EPM2A: variants seen among roughly 807,000 people sequenced by gnomAD.
EPM2A encodes laforin.
EPM2A carries 21 observed loss-of-function variants against 26.5 expected under a neutral mutation model. The observed-to-expected ratio is 0.79, with a 90% CI of 0.56 to 1.14. EPM2A has a LOEUF of 1.14. EPM2A is among the 50% of genes most tolerant of loss of function. The probability of loss-of-function intolerance (pLI) is 0.00; values close to 1 mark genes in which losing one functional copy is unlikely to be tolerated. For missense variants in EPM2A, 458 were observed against 440.8 expected (o/e 1.04, Z -0.35); for synonymous variants, 217 against 177.6 (o/e 1.22, Z -1.76).
intron 4 of EPM2A, among the ~76,000 whole-genome samples, chr6:145,493,901 A>C (rs1033430878): frequency 6.6e-6 from 1 of 152,122 alleles, no homozygotes; most frequent in Non-Finnish European, 1.5e-5. Context: ...TTTTGTTGAA[A>C]ATTTTTGCAT....
At chr6:145,525,557 G>A (rs1303701597) in intron 2 of EPM2A, among the ~76,000 whole-genome samples, 1 of 151,818 alleles carries the variant, frequency 6.6e-6, no homozygotes, top group Non-Finnish European at 1.5e-5. Context: ...TTTTGTGGCT[G>A]TGGTAAATGG....
intron 2 of EPM2A, among the ~76,000 whole-genome samples, chr6:145,577,511 T>C (rs1781050013): frequency 6.6e-6 from 1 of 151,964 alleles, no homozygotes; most frequent in African/African-American, 2.4e-5. Flanking sequence ...AGTAAATATA[T>C]ATGCATTCAA....
At chr6:145,457,626 T>C (rs1409438521) in intron 4 of EPM2A, among the ~76,000 whole-genome samples, 1 of 152,194 alleles carries the variant, frequency 6.6e-6, no homozygotes, top group Admixed American at 6.5e-5. Flanking sequence ...AGAACAGTGA[T>C]GATCATTCTA....
chr6:145,525,427 AT>A (rs1280815162), intron 2 of EPM2A, among the ~76,000 whole-genome samples: 1 of 151,918 alleles, frequency 6.6e-6, no homozygotes, highest in Non-Finnish European at 1.5e-5. Context: ...GGTTCTTCCA[AT>A]CCATGAGCAT....
intron 4 of EPM2A, among the ~76,000 whole-genome samples, chr6:145,438,983 G>T (rs965051715): frequency 2.6e-5 from 4 of 151,580 alleles, no homozygotes; most frequent in Admixed American, 1.3e-4. Context: ...TCTCATGTAG[G>T]CCCCTGTATC....
intron 4 of EPM2A, among the ~76,000 whole-genome samples, chr6:145,488,516 T>TGAGAGAGA (rs1216389057): frequency 6.8e-5 from 9 of 131,746 alleles, no homozygotes; most frequent in South Asian, 2.4e-4. Flanking sequence ...TGTGTGTGTG[T>TGAGAGAGA]GTGTGTGAGA....
chr6:145,667,379 G>C (rs1032916952), intron 2 of EPM2A, among the ~76,000 whole-genome samples: 2 of 146,078 alleles, frequency 1.4e-5, no homozygotes, highest in Non-Finnish European at 3.0e-5. Flanking sequence ...CTTCTCAAAA[G>C]AAGATATTTA....
At chr6:145,723,423 T>C (rs559647604) in intron 1 of EPM2A, among the ~76,000 whole-genome samples, 1 of 152,160 alleles carries the variant, frequency 6.6e-6, no homozygotes, top group East Asian at 1.9e-4. Context: ...TATATACATA[T>C]GCATACACAC....
chr6:145,424,189 C>T (rs1562329164), intron 4 of EPM2A, among the ~76,000 whole-genome samples: 1 of 152,094 alleles, frequency 6.6e-6, no homozygotes, highest in African/African-American at 2.4e-5. Flanking sequence ...ATCCTGGCAC[C>T]CTTCAACAAC....
chr6:145,435,412 TATATA>T (rs1562333506), intron 4 of EPM2A, among the ~76,000 whole-genome samples: 19 of 105,166 alleles, frequency 1.8e-4, no homozygotes, highest in African/African-American at 5.9e-4. Context: ...GAAGAATTTA[TATATA>T]TATATATATA....
intron 4 of EPM2A, among the ~76,000 whole-genome samples, chr6:145,429,163 C>G (rs995735031): frequency 1.3e-4 from 20 of 152,074 alleles, no homozygotes; most frequent in Non-Finnish European, 7.4e-5. Context: ...CTCTTTATCC[C>G]CAGCTTTCTT....
intron 2 of EPM2A, among the ~76,000 whole-genome samples, chr6:145,521,564 A>T (rs1282200090): frequency 6.6e-6 from 1 of 152,234 alleles, no homozygotes; most frequent in African/African-American, 2.4e-5. Context: ...AAGTATAATG[A>T]AGCAAGAGGC....
chr6:145,401,300 T>C (rs1778482824), intron 4 of EPM2A, among the ~76,000 whole-genome samples: 2 of 152,170 alleles, frequency 1.3e-5, no homozygotes, highest in Non-Finnish European at 2.9e-5. Context: ...TTATATATCA[T>C]ATACACAAGT....
At chr6:145,651,371 G>A (rs1777868915) in intron 2 of EPM2A, among the ~76,000 whole-genome samples, 1 of 152,154 alleles carries the variant, frequency 6.6e-6, no homozygotes, top group African/African-American at 2.4e-5. Flanking sequence ...GTGGCACCCT[G>A]ATGAAAAGTA....
chr6:145,695,433 A>T (rs1781516345), intron 1 of EPM2A, among the ~76,000 whole-genome samples: 1 of 152,052 alleles, frequency 6.6e-6, no homozygotes, highest in African/African-American at 2.4e-5. Flanking sequence ...CAGTAAGATA[A>T]GTCCTTACAT....
chr6:145,561,252 G>C (rs989095002), intron 2 of EPM2A, among the ~76,000 whole-genome samples: 1 of 150,944 alleles, frequency 6.6e-6, no homozygotes, highest in Non-Finnish European at 1.5e-5. Context: ...GTTTGTAACC[G>C]AGGAGCAATA....
At chr6:145,685,827 T>C (rs1467609641) in intron 2 of EPM2A, among the ~76,000 whole-genome samples, 1 of 152,208 alleles carries the variant, frequency 6.6e-6, no homozygotes, top group African/African-American at 2.4e-5. Flanking sequence ...TATTTTAGTG[T>C]AGTTCTTATT....
intron 2 of EPM2A, among the ~76,000 whole-genome samples, chr6:145,660,695 G>A (rs894530690): frequency 6.6e-6 from 1 of 152,086 alleles, no homozygotes; most frequent in Non-Finnish European, 1.5e-5. Flanking sequence ...CCAGCTACTC[G>A]AGAGGCTGAA....
intron 2 of EPM2A, among the ~76,000 whole-genome samples, chr6:145,645,085 T>C (rs565019460): frequency 1.3e-5 from 2 of 152,346 alleles, no homozygotes; most frequent in South Asian, 4.1e-4. Flanking sequence ...GTTACACATG[T>C]TCCTGTTTGC....
Sources: gnomAD v4.1 joint callset for allele counts (sites outside exome capture counted in the v4.1 genomes callset) on GRCh38, gnomAD v4.1.1 for gene constraint, MANE v1.5 for transcripts, NCBI Gene and HGNC (gene_info 2026-07-23, HGNC 2026-07-21) for gene names.